The following TMEM135 variants were observed in gnomAD, a reference collection of about 807,000 sequenced individuals.
TMEM135 encodes peroxisomal membrane protein 52.
A neutral mutation model predicts 60.3 loss-of-function variants in TMEM135; 30 were observed. The observed-to-expected ratio is 0.50, with a 90% CI of 0.37 to 0.68. TMEM135 has a LOEUF of 0.68. TMEM135 is among the 30% of genes least tolerant of loss of function. The pLI, the probability that TMEM135 is intolerant of heterozygous loss-of-function variation, is 0.00. For synonymous variants in TMEM135, 190 were observed against 186.7 expected (o/e 1.02, Z -0.14); for missense variants, 468 against 548.8 (o/e 0.85, Z 1.47).
At chr11:87,079,409 T>C (rs1856940106) in intron 3 of TMEM135, among the ~76,000 whole-genome samples, 1 of 152,234 alleles carries the variant, frequency 6.6e-6, no homozygotes, top group Non-Finnish European at 1.5e-5. Context: ...GTATTAAGTT[T>C]TAAATTTCAT....
At chr11:87,076,870 G>C (rs564695486) in intron 3 of TMEM135, among the ~76,000 whole-genome samples, 1 of 152,138 alleles carries the variant, frequency 6.6e-6, no homozygotes, top group Non-Finnish European at 1.5e-5. Context: ...ACTCTGCCTG[G>C]TCTCTTCTCC....
At chr11:87,197,327 G>C (rs1208719652) in intron 5 of TMEM135, among the ~76,000 whole-genome samples, 1 of 152,056 alleles carries the variant, frequency 6.6e-6, no homozygotes. Flanking sequence ...TCGGCATAAA[G>C]GGTAAAACGT....
intron 3 of TMEM135, among the ~76,000 whole-genome samples, chr11:87,085,233 A>G (rs1857070843): frequency 6.6e-6 from 1 of 152,168 alleles, no homozygotes; most frequent in South Asian, 2.1e-4. Flanking sequence ...AACATATCAT[A>G]CCCTTCAGAG....
chr11:87,100,722 C>A (rs543600070), intron 4 of TMEM135, among the ~76,000 whole-genome samples: 1 of 152,026 alleles, frequency 6.6e-6, no homozygotes, highest in Admixed American at 6.6e-5. Flanking sequence ...ATTAGCCAGG[C>A]GTGGTGGCAT....
rs561190200 is a variant in TMEM135 at position 87,180,781 on chromosome 11, C to T, written c.462+23375C>T. On this transcript the variant is annotated intron_variant, in intron 5 of 14. Coordinates refer to ENST00000305494, the MANE Select transcript of TMEM135 (RefSeq NM_022918.4). ...TGAAGCTAACAGGGTTGATTGTCAA[C>T]AACAACAAAAATATTAAAAACGAAA... Among the ~76,000 whole-genome samples the T allele has an allele frequency of 1.3e-4, 20 of 152,176 alleles. No homozygotes were observed. In the East Asian group the frequency reaches 3.7e-3, roughly 28 times the overall value.
intron 4 of TMEM135, among the ~76,000 whole-genome samples, chr11:87,123,405 C>T (rs551457392): frequency 6.6e-6 from 1 of 152,310 alleles, no homozygotes; most frequent in African/African-American, 2.4e-5. Context: ...CTTCTTCTCT[C>T]TCTGTCTGTG....
chr11:87,124,150 T>G (rs1481799120), intron 4 of TMEM135, among the ~76,000 whole-genome samples: 3 of 152,166 alleles, frequency 2.0e-5, no homozygotes, highest in Non-Finnish European at 1.5e-5. Flanking sequence ...TTTAGTTGCT[T>G]TGGCTTTATA....
chr11:87,222,594 A>G (rs1423782551), intron 5 of TMEM135, among the ~76,000 whole-genome samples: 1 of 151,926 alleles, frequency 6.6e-6, no homozygotes, highest in Non-Finnish European at 1.5e-5. Context: ...ACCTGAGGTC[A>G]GGAGTTCGAG....
intron 4 of TMEM135, among the ~76,000 whole-genome samples, chr11:87,149,893 A>G (rs1198351597): frequency 1.3e-5 from 2 of 152,208 alleles, no homozygotes; most frequent in South Asian, 2.1e-4. Flanking sequence ...GTTTTTTCAA[A>G]ATGTAATTAA....
At chr11:87,215,227 C>T (rs775187311) in intron 5 of TMEM135, among the ~76,000 whole-genome samples, 1 of 152,096 alleles carries the variant, frequency 6.6e-6, no homozygotes, top group African/African-American at 2.4e-5. Context: ...GTTCTTTGTT[C>T]TACCTAAGTG....
intron 6 of TMEM135, among the ~76,000 whole-genome samples, chr11:87,263,337 A>G (rs1361167096): frequency 6.6e-6 from 1 of 152,204 alleles, no homozygotes. Context: ...CTGATTCTTC[A>G]TATTTTGTTA....
Position 87,054,590 on chromosome 11 carries a change from C to T in TMEM135, c.142-13104C>T, listed in dbSNP as rs139039291. The stretch of plus-strand genomic sequence containing the variant: ...ATGCTGAATTTTTTCAACTTACTGT[C>T]ATTTATTTTGTATAGCCCTTTGACT... On this transcript the variant is annotated intron_variant, in intron 1 of 14. Transcript: ENST00000305494. Among the ~76,000 whole-genome samples, 4 of 152,178 alleles carry T rather than the reference C, an allele frequency of 2.6e-5. No individual in the cohort carries two copies. The East Asian group carries it at 7.7e-4, about 29-fold the overall frequency.
intron 6 of TMEM135, among the ~76,000 whole-genome samples, chr11:87,241,217 T>C (rs926908212): frequency 2.0e-5 from 3 of 152,116 alleles, no homozygotes; most frequent in African/African-American, 7.2e-5. Flanking sequence ...TGAACATCTT[T>C]ATATAAACAT....
At chr11:87,093,115 A>T (rs1383222852) in intron 4 of TMEM135, among the ~76,000 whole-genome samples, 3 of 150,740 alleles carry the variant, frequency 2.0e-5, no homozygotes, top group Non-Finnish European at 3.0e-5. Flanking sequence ...TTTCTTAATC[A>T]CTCTTTAACA....
chr11:87,211,943 CAA>C (rs917232733), intron 5 of TMEM135, among the ~76,000 whole-genome samples: 1 of 136,980 alleles, frequency 7.3e-6, no homozygotes, highest in Non-Finnish European at 1.6e-5. Flanking sequence ...GACTCCGTCT[CAA>C]AAAAAAAAAT....
chr11:87,230,997 G>A (rs1940877390), intron 5 of TMEM135, among the ~76,000 whole-genome samples: 1 of 151,960 alleles, frequency 6.6e-6, no homozygotes, highest in Non-Finnish European at 1.5e-5. Flanking sequence ...ATGAAAAAAT[G>A]GTATGCAAGA....
chr11:87,142,834 C>A (rs951562909), intron 4 of TMEM135, among the ~76,000 whole-genome samples: 6 of 151,208 alleles, frequency 4.0e-5, no homozygotes, highest in Non-Finnish European at 1.5e-5. Flanking sequence ...CTTCCTTCTC[C>A]TTTCTTCTTC....
At chr11:87,188,558 G>A (rs963270928) in intron 5 of TMEM135, among the ~76,000 whole-genome samples, 3 of 151,958 alleles carry the variant, frequency 2.0e-5, no homozygotes, top group African/African-American at 7.3e-5. Context: ...ACAAAAATTA[G>A]CCAGGTATGG....
At position 87,327,686 on chromosome 11, in the gene TMEM135, T is replaced by C; in HGVS notation, c.*6353T>C. 2.2e-6 allele frequency: 1 copy of C among 453,808 alleles called. No individual in the cohort carries two copies. Among genetic ancestry groups the C allele is most frequent in the South Asian group, 1.6e-5 (1 of 64,464 alleles). The allele number at this position is 453,808 out of a possible 1,614,324, so 28.1% of individuals were successfully genotyped here. On this transcript the variant is annotated 3_prime_UTR_variant, in exon 15 of 15. Coordinates refer to ENST00000305494, the MANE Select transcript of TMEM135 (RefSeq NM_022918.4). ...TGCTGGTGGTCTGGCTCAGTACAAG[T>C]CCAAAAGCCTTGGAACCAGGGAAAC...
Sources: gnomAD v4.1 joint callset for allele counts (sites outside exome capture counted in the v4.1 genomes callset) on GRCh38, gnomAD v4.1.1 for gene constraint, MANE v1.5 for transcripts, NCBI Gene and HGNC (gene_info 2026-07-23, HGNC 2026-07-21) for gene names.